Variants in STPG2 observed in about 807,000 individuals in gnomAD.
STPG2 encodes sperm-tail PG-rich repeat-containing protein 2.
A neutral mutation model predicts 54.2 loss-of-function variants in STPG2; 56 were observed. The observed-to-expected ratio is 1.03, with a 90% CI of 0.83 to 1.29. STPG2 has a LOEUF of 1.29. Among genes scored for constraint, STPG2 ranks in the 50% most tolerant of loss-of-function variants. The pLI is 0.00. For missense variants in STPG2, 596 were observed against 544.9 expected (o/e 1.09, Z -0.93); for synonymous variants, 200 against 181.8 (o/e 1.10, Z -0.81).
At chr4:97,536,699 T>G (rs998224940) in intron 4 of STPG2, among the ~76,000 whole-genome samples, 1 of 152,154 alleles carries the variant, frequency 6.6e-6, no homozygotes, top group Non-Finnish European at 1.5e-5. Context: ...AGCTTCCTCT[T>G]AGGAAGAACA....
chr4:97,903,736 G>A (rs1334993187), intron 8 of STPG2, among the ~76,000 whole-genome samples: 2 of 152,170 alleles, frequency 1.3e-5, no homozygotes, highest in Admixed American at 1.3e-4. Flanking sequence ...AGGTCAGTGG[G>A]TGCGCAAACT....
chr4:98,071,115 T>A (rs1323302966), intron 5 of STPG2, among the ~76,000 whole-genome samples: 1 of 151,732 alleles, frequency 6.6e-6, no homozygotes, highest in Non-Finnish European at 1.5e-5. Flanking sequence ...CCAAAGAAAT[T>A]CTAAGTAAAA....
chr4:98,091,072 A>C (rs1368324064), intron 5 of STPG2, among the ~76,000 whole-genome samples: 4 of 151,984 alleles, frequency 2.6e-5, no homozygotes, highest in Non-Finnish European at 5.9e-5. Flanking sequence ...CAAAAAATCT[A>C]AGAGTCATCA....
At chr4:97,862,313 A>G (rs1346602699) in intron 8 of STPG2, among the ~76,000 whole-genome samples, 1 of 152,170 alleles carries the variant, frequency 6.6e-6, no homozygotes, top group Non-Finnish European at 1.5e-5. Flanking sequence ...ATGATAAAAC[A>G]GACTTTAAAC....
At chr4:97,892,390 C>G (rs1730803046) in intron 8 of STPG2, among the ~76,000 whole-genome samples, 1 of 152,102 alleles carries the variant, frequency 6.6e-6, no homozygotes, top group Non-Finnish European at 1.5e-5. Flanking sequence ...ATAAGCAGTC[C>G]TACAGAATAA....
Position 97,762,648 on chromosome 4 carries a change from T to C in STPG2, c.1205-49834A>G, listed in dbSNP as rs781526379. Among the ~76,000 whole-genome samples, 6 of 152,158 alleles carry C rather than the reference T, an allele frequency of 3.9e-5. No individual in the cohort carries two copies. In the South Asian group the frequency reaches 6.2e-4, roughly 16 times the overall value. On this transcript the variant is annotated intron_variant, in intron 9 of 10. Transcript: ENST00000295268. ...CAATGGAAAAGAAAATCAAAGCTAT[T>C]GCCTCTCTGATATTTGGAAAGTATT...
chr4:97,459,235 T>C (rs1729598881), intron 4 of STPG2, among the ~76,000 whole-genome samples: 1 of 152,056 alleles, frequency 6.6e-6, no homozygotes, highest in Non-Finnish European at 1.5e-5. Context: ...ATACAATATA[T>C]TAACAATTAG....
intron 8 of STPG2, among the ~76,000 whole-genome samples, chr4:97,891,438 C>T (rs10516425): frequency 6.6e-6 from 1 of 151,792 alleles, no homozygotes; most frequent in Non-Finnish European, 1.5e-5. Context: ...TTCATATATT[C>T]TCCTGAGTGC....
rs545598173 is a variant in STPG2 at position 97,573,125 on chromosome 4, T to C, written c.1321-14008A>G. On this transcript the variant is annotated intron_variant, in intron 10 of 10. Coordinates refer to ENST00000295268, the MANE Select transcript of STPG2 (RefSeq NM_174952.3). The stretch of plus-strand genomic sequence containing the variant: ...CGATATGCATTTTCATTCTTCTATA[T>C]GGGTAATTTTTAATTTTCTTCTTTA... Among the ~76,000 whole-genome samples the C allele has an allele frequency of 1.3e-3, 204 of 152,222 alleles. 1 individual carries two copies. Among genetic ancestry groups the C allele is most frequent in the Non-Finnish European group, 2.6e-3 (179 of 67,992 alleles).
chr4:97,687,018 G>A (rs1465279436), intron 10 of STPG2, among the ~76,000 whole-genome samples: 3 of 151,210 alleles, frequency 2.0e-5, no homozygotes, highest in African/African-American at 7.3e-5. Context: ...TGGGCTCACT[G>A]CAAGCTCCGC....
intron 9 of STPG2, among the ~76,000 whole-genome samples, chr4:97,736,407 A>T (rs1423856262): frequency 3.3e-5 from 5 of 152,204 alleles, no homozygotes; most frequent in Admixed American, 3.3e-4. Context: ...AGGGCGAGGC[A>T]TTGCCTCACT....
intron 5 of STPG2, among the ~76,000 whole-genome samples, chr4:98,003,909 A>G (rs1735492107): frequency 6.6e-6 from 1 of 152,112 alleles, no homozygotes; most frequent in Non-Finnish European, 1.5e-5. Context: ...TTTAAGATGT[A>G]CAATGTGATG....
At chr4:97,920,879 T>G (rs1303202404) in intron 8 of STPG2, among the ~76,000 whole-genome samples, 1 of 152,146 alleles carries the variant, frequency 6.6e-6, no homozygotes, top group Non-Finnish European at 1.5e-5. Flanking sequence ...CTAAAAGTCT[T>G]ACAAGAAATT....
chr4:97,469,885 T>G (rs1441817991), intron 4 of STPG2, among the ~76,000 whole-genome samples: 1 of 152,080 alleles, frequency 6.6e-6, no homozygotes, highest in African/African-American at 2.4e-5. Context: ...CAGGACGTAG[T>G]GAGAGAGCGA....
At chr4:97,576,849 C>A (rs1028028837) in intron 10 of STPG2, among the ~76,000 whole-genome samples, 3 of 152,080 alleles carry the variant, frequency 2.0e-5, no homozygotes, top group African/African-American at 7.2e-5. Context: ...AATGAGGCAT[C>A]TCACAGAGGT....
At chr4:97,662,323 A>G (rs1022184598) in intron 10 of STPG2, among the ~76,000 whole-genome samples, 30 of 152,172 alleles carry the variant, frequency 2.0e-4, no homozygotes, top group African/African-American at 7.2e-4. Context: ...CAAAACTACA[A>G]TAAGATACCA....
chr4:97,536,724 C>A (rs1731540387), intron 4 of STPG2, among the ~76,000 whole-genome samples: 1 of 152,060 alleles, frequency 6.6e-6, no homozygotes, highest in African/African-American at 2.4e-5. Context: ...CTGGAAGAGG[C>A]CTGTGGATGA....
chr4:98,032,133 C>G (rs1736618123), intron 5 of STPG2, among the ~76,000 whole-genome samples: 1 of 152,192 alleles, frequency 6.6e-6, no homozygotes, highest in South Asian at 2.1e-4. Flanking sequence ...TAAACTGGTA[C>G]AACTACTATG....
chr4:97,787,500 T>A (rs1288408388), intron 9 of STPG2, among the ~76,000 whole-genome samples: 2 of 152,060 alleles, frequency 1.3e-5, no homozygotes, highest in African/African-American at 4.8e-5. Flanking sequence ...ATATTTAACC[T>A]TTTTATATTA....
Sources: gnomAD v4.1 joint callset for allele counts (sites outside exome capture counted in the v4.1 genomes callset) on GRCh38, gnomAD v4.1.1 for gene constraint, MANE v1.5 for transcripts, NCBI Gene and HGNC (gene_info 2026-07-23, HGNC 2026-07-21) for gene names.